Variants in DNAJA4 observed in about 807,000 individuals in gnomAD.
DNAJA4 encodes dnaJ homolog subfamily A member 4.
Under a neutral mutation model 39.7 loss-of-function variants are expected in DNAJA4, and 32 were observed. The ratio of observed to expected loss-of-function variants is 0.81; its 90% CI spans 0.61 to 1.08. DNAJA4 has a LOEUF of 1.08. DNAJA4 is among the 50% of genes least tolerant of loss of function. DNAJA4 has a pLI of 0.00. For synonymous variants in DNAJA4, 184 were observed against 182.4 expected (o/e 1.01, Z -0.07); for missense variants, 439 against 505.1 (o/e 0.87, Z 1.25).
chr15:78,265,381 G>T (rs2049093021), intron 1 of DNAJA4: 8 of 669,458 alleles, frequency 1.2e-5, no homozygotes, highest in South Asian at 1.6e-5. Context: ...CAAACGCCGT[G>T]CCTCTCTTGA....
intron 2 of DNAJA4, among the ~76,000 whole-genome samples, chr15:78,272,076 A>G (rs888604173): frequency 2.0e-5 from 3 of 152,176 alleles, no homozygotes; most frequent in Non-Finnish European, 4.4e-5. Context: ...TGTGGACATG[A>G]TAAAACCTTG....
chr15:78,264,852 C>A lies in DNAJA4; in HGVS notation c.89C>A (p.Ala30Glu). ...ATCAAGAAGGCCTATCGGAAGCTGG[C>A]GCTCAAGTACCACCCGGACAAGAAC... is the stretch of plus-strand genomic sequence containing the variant. Reference protein sequence around the residue: ...EEIKKAYRKLALKYHPDKNPD... With the variant: ...EEIKKAYRKLELKYHPDKNPD... Residue 30 changes from alanine (A) to glutamate (E), a missense_variant, in exon 1 of 7, where the codon GCG becomes GAG. Ala to Glu is a moderately radical substitution (Grantham distance 107). Transcript: ENST00000394852. The A allele has an allele frequency of 6.2e-7, 1 of 1,608,570 alleles. No individual in the cohort carries two copies. The highest frequency in any genetic ancestry group is 8.5e-7 in the Non-Finnish European group (1 of 1,177,416).
chr15:78,265,024 A>T, intron 1 of DNAJA4, 129 bp downstream of exon 1: 1 of 1,166,286 alleles, frequency 8.6e-7, no homozygotes, highest in East Asian at 2.9e-5. Context: ...CCTCGGGGCC[A>T]GGCCGGGCAG....
In DNAJA4 at chr15:78,280,680, C is replaced by T. The variant is rs1044139228; in HGVS notation, c.*220C>T. 8 of 504,368 alleles carry T rather than the reference C, an allele frequency of 1.6e-5. No individual in the cohort carries two copies. Among genetic ancestry groups the T allele is most frequent in the Non-Finnish European group, 2.8e-5 (8 of 286,008 alleles). 31.2% of individuals were successfully genotyped at this position (504,368 alleles called of 1,614,324 possible). ...GTTTTAAGTATAAATCACCTCTAGT[C>T]TGCATATGGAATCTGTTCATTTCTA... On this transcript the variant is annotated 3_prime_UTR_variant, in exon 7 of 7. Coordinates refer to ENST00000394852, the MANE Select transcript of DNAJA4 (RefSeq NM_001130182.2).
chr15:78,277,754 GCCTAGGGA>G lies in DNAJA4; in HGVS notation c.877+2027_877+2034del, dbSNP rs2049512568. ...TTCCTTGCTGTCTCAGCTGACCCCAGCCTAGGGAGCCGGGAGCCAAATGGAGTGAGGGT... is the reference window on the plus strand; with the variant it reads ...TTCCTTGCTGTCTCAGCTGACCCCAGGCCGGGAGCCAAATGGAGTGAGGGT... On this transcript the variant is annotated intron_variant, in intron 5 of 6. Transcript: ENST00000394852. 11 of 329,714 alleles carry G rather than the reference GCCTAGGGA, an allele frequency of 3.3e-5. 1 individual carries two copies. The highest frequency in any genetic ancestry group is 2.8e-4 in the South Asian group (11 of 38,954). 20.4% of individuals were successfully genotyped at this position (329,714 alleles called of 1,614,324 possible).
intron 1 of DNAJA4, among the ~76,000 whole-genome samples, chr15:78,265,114 A>G (rs567903593): frequency 7.9e-4 from 121 of 152,330 alleles, no homozygotes; most frequent in Admixed American, 1.0e-3. Flanking sequence ...GTGGTGCGGC[A>G]CTTGGGTCCC....
chr15:78,272,743 G>C (rs2049335934), intron 2 of DNAJA4, among the ~76,000 whole-genome samples: 1 of 152,244 alleles, frequency 6.6e-6, no homozygotes, highest in African/African-American at 2.4e-5. Flanking sequence ...CTTTCATGGG[G>C]AAACTTAACC....
chr15:78,264,683 GC>G lies in DNAJA4; in HGVS notation c.-79del. 1 of 1,183,236 alleles carries G rather than the reference GC, an allele frequency of 8.5e-7. No homozygotes were observed. Among genetic ancestry groups the G allele is most frequent in the Non-Finnish European group, 1.1e-6 (1 of 941,124 alleles). The allele number at this position is 1,183,236 out of a possible 1,614,324, so 73.3% of individuals were successfully genotyped here. A position where few individuals can be genotyped will look rare whatever the true frequency, so the allele number is the denominator to read the frequency against. ...GCGCGAGCGGGCGGCGGGGGCGCGG[GC>G]CAGGGGCGCGGGCCAGGGTGCCGGC... On this transcript the variant is annotated 5_prime_UTR_variant, in exon 1 of 7. Transcript: ENST00000394852.
At chr15:78,271,424 T>C (rs1194758350) in intron 2 of DNAJA4, among the ~76,000 whole-genome samples, 1 of 152,096 alleles carries the variant, frequency 6.6e-6, no homozygotes, top group African/African-American at 2.4e-5. Flanking sequence ...GGCTGCAGGC[T>C]CTCTAATTCT....
intron 5 of DNAJA4, chr15:78,277,810 G>C (rs1482320414): frequency 2.8e-6 from 1 of 351,360 alleles, no homozygotes; most frequent in Non-Finnish European, 5.6e-6. Flanking sequence ...GCCCCAGAGG[G>C]AAGGAAGTGG....
chr15:78,264,987 G>T, intron 1 of DNAJA4, 92 bp downstream of exon 1: 1 of 1,370,180 alleles, frequency 7.3e-7, no homozygotes, highest in Non-Finnish European at 9.7e-7. Flanking sequence ...CCTGAGCCGC[G>T]TTTGTTGGGG....
At chr15:78,271,404 C>T (rs1370713756) in intron 2 of DNAJA4, among the ~76,000 whole-genome samples, 1 of 152,090 alleles carries the variant, frequency 6.6e-6, no homozygotes, top group African/African-American at 2.4e-5. Flanking sequence ...TGTTCCCTGA[C>T]CTGGGCGTGG....
Position 78,280,235 on chromosome 15 carries a change from C to T in DNAJA4, c.979-10C>T. On this transcript the variant is annotated splice_polypyrimidine_tract_variant and intron_variant, in intron 6 of 6. Transcript: ENST00000394852. ...ACAGCCACCTTTCTTTCCCACCTCA[C>T]CCTTTACAGGTAATCTTTCCTGAAA... The T allele has an allele frequency of 6.2e-7, 1 of 1,613,368 alleles. No individual in the cohort carries two copies. The highest frequency in any genetic ancestry group is 1.1e-5 in the South Asian group (1 of 91,056).
At position 78,275,494 on chromosome 15, in the gene DNAJA4, A is replaced by G. The variant is rs370699762; in HGVS notation, c.647-4A>G. On this transcript the variant is annotated splice_polypyrimidine_tract_variant and splice_region_variant and intron_variant, in intron 4 of 6. Transcript: ENST00000394852. ...GCTAATCAGAAAGGGATGATGTTTC[A>G]TAGGTATGAAAGATGGGCAAAAGAT... 16 of 1,609,260 alleles carry G rather than the reference A, an allele frequency of 9.9e-6. No individual in the cohort carries two copies. The highest frequency in any genetic ancestry group is 8.0e-5 in the African/African-American group (6 of 74,754).
intron 2 of DNAJA4, 108 bp downstream of exon 2, chr15:78,270,785 C>T (rs1020746567): frequency 3.9e-5 from 48 of 1,244,186 alleles, no homozygotes; most frequent in East Asian, 2.2e-4. Flanking sequence ...GGGCCAGGCG[C>T]GGTGGTTCAT....
Position 78,270,685 on chromosome 15 carries a change from C to CT in DNAJA4, c.313+12dup, listed in dbSNP as rs769521555. ...TGGCTAGAGAGAGAAGAGGTAAATG[C>CT]TTTTAAAGAAACATAAATAAGTTGT... On this transcript the variant is annotated intron_variant, in intron 2 of 6. Transcript: ENST00000394852. 9.9e-6 allele frequency: 16 copies of CT among 1,609,332 alleles called. No individual in the cohort carries two copies. Among genetic ancestry groups the CT allele is most frequent in the Non-Finnish European group, 1.4e-5 (16 of 1,177,602 alleles).
At chr15:78,273,492 A>G (rs1419025613) in intron 3 of DNAJA4, among the ~76,000 whole-genome samples, 1 of 152,374 alleles carries the variant, frequency 6.6e-6, no homozygotes, top group East Asian at 1.9e-4. Context: ...TTTGTTACAT[A>G]TGTATACAGA....
At chr15:78,266,039 AG>A (rs1472182631) in intron 1 of DNAJA4, 45 of 594,382 alleles carry the variant, frequency 7.6e-5, no homozygotes, top group Middle Eastern at 4.3e-4. Context: ...CTTTCCTGTA[AG>A]ACCATTTGTC....
At chr15:78,270,224 T>G in intron 1 of DNAJA4, 1 of 305,252 alleles carries the variant, frequency 3.3e-6, no homozygotes, top group Non-Finnish European at 6.1e-6. Flanking sequence ...TGCAGCCGGA[T>G]TAGTGAGAAA....
Sources: gnomAD v4.1 joint callset for allele counts (sites outside exome capture counted in the v4.1 genomes callset) on GRCh38, gnomAD v4.1.1 for gene constraint, MANE v1.5 for transcripts, NCBI Gene and HGNC (gene_info 2026-07-23, HGNC 2026-07-21) for gene names.